Variants in KCNH5 observed in about 807,000 individuals in gnomAD.
The protein encoded by KCNH5 is voltage-gated delayed rectifier potassium channel KCNH5.
In KCNH5, 46 loss-of-function variants were observed where a neutral mutation model predicts 96.1. The observed-to-expected ratio is 0.48, with a 90% confidence interval of 0.38 to 0.61. The LOEUF is 0.61. Among genes scored for constraint, KCNH5 ranks in the 20% least tolerant of loss-of-function variants. The pLI is 0.00. For synonymous variants in KCNH5, 439 were observed against 449.8 expected, an observed-to-expected ratio of 0.98 and a Z score of 0.30; for missense variants, 907 against 1,225.8, an observed-to-expected ratio of 0.74 and a Z score of 3.88.
At chr14:62,763,379 G>A (rs770670085) in intron 10 of KCNH5, among the ~76,000 whole-genome samples, 28 of 151,660 alleles carry the variant, frequency 1.8e-4, no homozygotes, top group African/African-American at 6.1e-4. Flanking sequence ...CGAATCTCAC[G>A]CCTAAGGCAG....
At chr14:62,797,817 G>C (rs1886571298) in intron 9 of KCNH5, among the ~76,000 whole-genome samples, 1 of 151,774 alleles carries the variant, frequency 6.6e-6, no homozygotes, top group South Asian at 2.1e-4. Flanking sequence ...CTGGGTTCAA[G>C]CAATTCTCAT....
In KCNH5 at chr14:62,961,853, GAGATGC is replaced by G. The variant is rs1175684781; in HGVS notation, c.943-11300_943-11295del. 2.0e-5 allele frequency among the ~76,000 whole-genome samples: 3 copies of G among 150,290 alleles called. 1 individual carries two copies. The South Asian group carries it at 6.3e-4, about 32-fold the overall frequency. On this transcript the variant is annotated intron_variant, in intron 6 of 10. Transcript: ENST00000322893. ...AGAGATGGAGATGGAGATGCAGATG[GAGATGC>G]AGATGCAGATGCAAATGCAGAAGGA... is the stretch of plus-strand genomic sequence containing the variant.
chr14:63,030,122 G>A (rs893800412), intron 1 of KCNH5, among the ~76,000 whole-genome samples: 16 of 152,138 alleles, frequency 1.1e-4, no homozygotes, highest in Admixed American at 9.8e-4. Flanking sequence ...ACCAGTTCTG[G>A]TTTGTCCTCA....
At chr14:62,747,691 C>A (rs560786945) in intron 10 of KCNH5, among the ~76,000 whole-genome samples, 1 of 152,156 alleles carries the variant, frequency 6.6e-6, no homozygotes, top group African/African-American at 2.4e-5. Flanking sequence ...ATTAGAGAAA[C>A]GCAATTCATG....
chr14:62,889,567 T>G (rs1179886716), intron 7 of KCNH5, among the ~76,000 whole-genome samples: 1 of 151,612 alleles, frequency 6.6e-6, no homozygotes, highest in Admixed American at 6.6e-5. Context: ...CGGCCTGGAG[T>G]TTTAGATGCT....
chr14:62,930,009 C>T (rs192740373), intron 7 of KCNH5, among the ~76,000 whole-genome samples: 59 of 152,162 alleles, frequency 3.9e-4, no homozygotes, highest in African/African-American at 1.3e-3. Context: ...GTATATGTAG[C>T]ACACTTTTTA....
intron 8 of KCNH5, among the ~76,000 whole-genome samples, chr14:62,840,138 T>C (rs907250226): frequency 1.3e-5 from 2 of 152,224 alleles, no homozygotes; most frequent in Non-Finnish European, 2.9e-5. Context: ...CATAGTTTCC[T>C]TCCATATGAA....
Position 62,801,913 on chromosome 14 carries a change from C to T in KCNH5, c.1822+416G>A, listed in dbSNP as rs114138007. 1.8e-3 allele frequency among the ~76,000 whole-genome samples: 277 copies of T among 152,208 alleles called. 1 individual carries two copies. Among genetic ancestry groups the T allele is most frequent in the African/African-American group, 6.4e-3 (267 of 41,546 alleles). ...TTTACTAATTGGGAAAGTCACTAAGCTTCTCTGGACCTCACTTGGCTCCTC... is the reference window on the plus strand; with the variant it reads ...TTTACTAATTGGGAAAGTCACTAAGTTTCTCTGGACCTCACTTGGCTCCTC... On this transcript the variant is annotated intron_variant, in intron 9 of 10. Coordinates refer to ENST00000322893, the MANE Select transcript of KCNH5 (RefSeq NM_139318.5).
intron 10 of KCNH5, among the ~76,000 whole-genome samples, chr14:62,771,289 G>T (rs1361985564): frequency 6.6e-6 from 1 of 152,164 alleles, no homozygotes; most frequent in Non-Finnish European, 1.5e-5. Context: ...AGGGGTACCA[G>T]ACTAACCTGT....
Position 62,723,122 on chromosome 14 carries a change from A to G in KCNH5, c.2020-14667T>C, listed in dbSNP as rs368753956. On this transcript the variant is annotated intron_variant, in intron 10 of 10. Coordinates refer to ENST00000322893, the MANE Select transcript of KCNH5 (RefSeq NM_139318.5). The stretch of plus-strand genomic sequence containing the variant: ...GAACAATTACCAACCTAGGGTAGAT[A>G]CAATATCTTTAAAGATTTTTTTTTT... 1.8e-4 allele frequency among the ~76,000 whole-genome samples: 28 copies of G among 152,134 alleles called. 1 individual carries two copies. The South Asian group carries it at 5.8e-3, about 32-fold the overall frequency.
chr14:62,825,895 T>C (rs903670988), intron 8 of KCNH5, among the ~76,000 whole-genome samples: 1 of 152,126 alleles, frequency 6.6e-6, no homozygotes, highest in Non-Finnish European at 1.5e-5. Context: ...CATGCTTTCA[T>C]TTGTTCTGCC....
At chr14:63,030,018 G>A (rs1891596997) in intron 1 of KCNH5, among the ~76,000 whole-genome samples, 1 of 152,074 alleles carries the variant, frequency 6.6e-6, no homozygotes, top group Non-Finnish European at 1.5e-5. Context: ...AAAGTAAGAG[G>A]GTTTAGAAGT....
At chr14:62,746,214 T>C (rs1885372301) in intron 10 of KCNH5, among the ~76,000 whole-genome samples, 1 of 152,364 alleles carries the variant, frequency 6.6e-6, no homozygotes, top group East Asian at 1.9e-4. Flanking sequence ...ATATTATTTA[T>C]GTTAGAGGAA....
intron 9 of KCNH5, among the ~76,000 whole-genome samples, chr14:62,800,232 C>A (rs144151276): frequency 6.6e-6 from 1 of 152,084 alleles, no homozygotes; most frequent in East Asian, 1.9e-4. Context: ...GTCTCTGAAT[C>A]CCAAGACTTT....
At chr14:62,812,090 G>A (rs1227917601) in intron 8 of KCNH5, among the ~76,000 whole-genome samples, 2 of 152,130 alleles carry the variant, frequency 1.3e-5, no homozygotes, top group East Asian at 3.9e-4. Context: ...AAACTCTTGA[G>A]TTCCAGCTAT....
chr14:62,964,052 A>C (rs1346989862), intron 6 of KCNH5, among the ~76,000 whole-genome samples: 1 of 152,146 alleles, frequency 6.6e-6, no homozygotes, highest in Non-Finnish European at 1.5e-5. Context: ...AAAGACTGTG[A>C]GATACATGAA....
intron 8 of KCNH5, among the ~76,000 whole-genome samples, chr14:62,808,220 A>G (rs376902928): frequency 1.9e-4 from 29 of 152,138 alleles, no homozygotes; most frequent in Non-Finnish European, 2.6e-4. Flanking sequence ...AAGGCCTGGG[A>G]ATGTGGATTT....
At chr14:62,787,094 T>A (rs991393246) in intron 9 of KCNH5, among the ~76,000 whole-genome samples, 1 of 152,154 alleles carries the variant, frequency 6.6e-6, no homozygotes, top group Non-Finnish European at 1.5e-5. Flanking sequence ...GGAAGCCATG[T>A]CAAAAGCTAA....
At chr14:62,942,631 C>T (rs771877395) in intron 7 of KCNH5, among the ~76,000 whole-genome samples, 2 of 152,142 alleles carry the variant, frequency 1.3e-5, no homozygotes, top group Non-Finnish European at 2.9e-5. Flanking sequence ...TCATACACAT[C>T]CCACTGGCAG....
Sources: gnomAD v4.1 joint callset for allele counts (sites outside exome capture counted in the v4.1 genomes callset) on GRCh38, gnomAD v4.1.1 for gene constraint, MANE v1.5 for transcripts, NCBI Gene and HGNC (gene_info 2026-07-23, HGNC 2026-07-21) for gene names.